The following STARD9 variants were observed in gnomAD, a reference collection of about 807,000 sequenced individuals.
The protein encoded by STARD9 is StAR related lipid transfer domain containing 9.
STARD9 carries 346 observed loss-of-function variants against 399.8 expected under a neutral mutation model. The observed-to-expected ratio is 0.87, with a 90% CI of 0.79 to 0.95. The LOEUF is 0.95. Ranked by LOEUF, STARD9 falls within the 40% of genes least tolerant of loss-of-function variation. The pLI, the probability that STARD9 is intolerant of heterozygous loss-of-function variation, is 0.00. For synonymous variants in STARD9, 2,203 were observed against 2,143.5 expected, an observed-to-expected ratio of 1.03 and a Z score of -0.77; for missense variants, 5,832 against 5,667.5, an observed-to-expected ratio of 1.03 and a Z score of -0.93.
intron 3 of STARD9, among the ~76,000 whole-genome samples, chr15:42,606,517 G>A (rs2058726211): frequency 6.6e-6 from 1 of 152,020 alleles, no homozygotes; most frequent in South Asian, 2.1e-4. Flanking sequence ...GTGCAGTGGT[G>A]TGATCTCAGG....
intron 9 of STARD9, among the ~76,000 whole-genome samples, chr15:42,656,328 A>T (rs12899661): frequency 1.5e-4 from 7 of 45,420 alleles, no homozygotes; most frequent in South Asian, 8.2e-4. Context: ...GCCATCTCCT[A>T]AAAAAAAAAA....
At chr15:42,617,451 C>G (rs565176981) in intron 3 of STARD9, among the ~76,000 whole-genome samples, 5 of 151,974 alleles carry the variant, frequency 3.3e-5, no homozygotes, top group Non-Finnish European at 7.4e-5. Context: ...CAACCTACTC[C>G]TCCCAGGTTC....
At chr15:42,664,642 C>T (rs937704519) in intron 13 of STARD9, among the ~76,000 whole-genome samples, 1 of 152,198 alleles carries the variant, frequency 6.6e-6, no homozygotes, top group African/African-American at 2.4e-5. Flanking sequence ...GCTGGGGTTA[C>T]AGGTGTGGGC....
chr15:42,675,448 A>C (rs1350681834), intron 18 of STARD9: 1 of 551,312 alleles, frequency 1.8e-6, no homozygotes, highest in Non-Finnish European at 3.2e-6. Context: ...CCTGGAACTC[A>C]ACTTCCTTTC....
chr15:42,635,492 G>C (rs1354773902), intron 4 of STARD9, among the ~76,000 whole-genome samples: 1 of 151,850 alleles, frequency 6.6e-6, no homozygotes, highest in African/African-American at 2.4e-5. Context: ...ACCACGCTTG[G>C]CTAAGTTTTT....
intron 3 of STARD9, among the ~76,000 whole-genome samples, chr15:42,628,104 C>T (rs1169392315): frequency 2.0e-5 from 3 of 152,106 alleles, no homozygotes; most frequent in African/African-American, 7.2e-5. Context: ...TCATTATTGC[C>T]TGTCTTTTGG....
chr15:42,584,542 A>C (rs1260496751), intron 2 of STARD9, among the ~76,000 whole-genome samples: 1 of 152,226 alleles, frequency 6.6e-6, no homozygotes, highest in Non-Finnish European at 1.5e-5. Context: ...TCATTCTGGC[A>C]GCCTAATTCT....
rs1695584461 is a variant in STARD9, at chr15:42,669,183, C to T, written c.1343C>T (p.Thr448Ile). The T allele has an allele frequency of 1.3e-6, 2 of 1,535,548 alleles. No individual in the cohort carries two copies. Among genetic ancestry groups the T allele is most frequent in the South Asian group, 2.4e-5 (2 of 83,998 alleles). ...ATAGACCAGCTGACTAAAGACTGGA[C>T]CCAGAAGTGGAATGATTGGCAGGCC... ...LKIDQLTKDW[T>I]QKWNDWQALM... Residue 448 changes from threonine (T) to isoleucine (I), a missense_variant, in exon 16 of 33, where the codon ACC becomes ATC. By Grantham distance (89) the Thr-to-Ile change is moderately conservative. Transcript: ENST00000290607.
At chr15:42,659,520 T>A (rs1286690203) in intron 9 of STARD9, among the ~76,000 whole-genome samples, 1 of 151,978 alleles carries the variant, frequency 6.6e-6, no homozygotes, top group African/African-American at 2.4e-5. Context: ...GGGTTTTCTT[T>A]GTTTGTTTTT....
chr15:42,668,651 TC>T (rs1380916953), intron 15 of STARD9, among the ~76,000 whole-genome samples: 12 of 152,194 alleles, frequency 7.9e-5, no homozygotes, highest in Admixed American at 7.9e-4. Context: ...TAGTCTTAGT[TC>T]CACCTGGGGA....
chr15:42,690,698 C>T lies in STARD9; in HGVS notation c.9120C>T (p.Ser3040=), dbSNP rs1426837849. 3 of 1,537,246 alleles carry T rather than the reference C, an allele frequency of 2.0e-6. No individual in the cohort carries two copies. The highest frequency in any genetic ancestry group is 1.4e-5 in the African/African-American group (1 of 73,172). ...GGGAATTTAGGCTAACAGAGAGCAG[C>T]ACTTGTGAGCCTTCTACTGTGGCTG... ...VNREFRLTES[S]TCEPSTVAAV... The change falls in exon 23 of 33, where the codon AGC becomes AGT. Residue 3040 remains serine, a synonymous_variant. Transcript: ENST00000290607.
At chr15:42,613,460 T>C (rs1269255995) in intron 3 of STARD9, among the ~76,000 whole-genome samples, 2 of 152,132 alleles carry the variant, frequency 1.3e-5, no homozygotes. Flanking sequence ...AAAAGTATGG[T>C]TTATTTCCCA....
chr15:42,717,827 C>A, intron 29 of STARD9, 32 bp downstream of exon 29: 2 of 1,533,462 alleles, frequency 1.3e-6, no homozygotes. Flanking sequence ...TGTACAGTGT[C>A]TGTCTTGGTA....
intron 3 of STARD9, among the ~76,000 whole-genome samples, chr15:42,617,592 G>C (rs890403610): frequency 2.6e-5 from 4 of 152,128 alleles, no homozygotes; most frequent in East Asian, 1.9e-4. Context: ...TCAATGGGGG[G>C]AATGTGAGTA....
At position 42,716,115 on chromosome 15, in the gene STARD9, A is replaced by G. The variant is rs915212829; in HGVS notation, c.13285-562A>G. 4.6e-5 allele frequency among the ~76,000 whole-genome samples: 7 copies of G among 152,164 alleles called. No individual in the cohort carries two copies. The South Asian group carries it at 8.3e-4, about 18-fold the overall frequency. Reference sequence around the variant, plus strand: ...AGTTCCAGCAGAGGTCAAGGGTCCTATTGTTGAGGAGCTTGCTGCGGTGGA... The same window carrying G: ...AGTTCCAGCAGAGGTCAAGGGTCCTGTTGTTGAGGAGCTTGCTGCGGTGGA... On this transcript the variant is annotated intron_variant, in intron 26 of 32. Coordinates refer to ENST00000290607, the MANE Select transcript of STARD9 (RefSeq NM_020759.3).
intron 3 of STARD9, among the ~76,000 whole-genome samples, chr15:42,625,494 C>G (rs2059184862): frequency 6.7e-6 from 1 of 150,308 alleles, no homozygotes; most frequent in Non-Finnish European, 1.5e-5. Flanking sequence ...CCACTCCCGG[C>G]TAATTTTTAT....
In STARD9 at chr15:42,682,347, T is replaced by C; in HGVS notation, c.2309T>C (p.Phe770Ser). The C allele has an allele frequency of 6.5e-7, 1 of 1,537,182 alleles. No individual in the cohort carries two copies. Among genetic ancestry groups the C allele is most frequent in the African/African-American group, 1.4e-5 (1 of 73,140 alleles). The change falls in exon 22 of 33, where the codon TTC becomes TCC. Residue 770 changes from phenylalanine to serine, a missense_variant. By Grantham distance (155) the Phe-to-Ser change is radical. Around this residue, in one of 2 missense-constraint regions of STARD9, gnomAD observed 5,828 missense variants for 5,651.1 expected, o/e 1.03. Transcript: ENST00000290607. ...ERNVRRKKVSFQLERIIKKQR... is the reference protein window; with the variant it reads ...ERNVRRKKVSSQLERIIKKQR... Reference sequence around the variant, plus strand: ...AATGTCCGGCGGAAAAAGGTCTCATTCCAGCTAGAGAGAATCATCAAAAAG... The same window carrying C: ...AATGTCCGGCGGAAAAAGGTCTCATCCCAGCTAGAGAGAATCATCAAAAAG...
At chr15:42,675,566 G>A (rs372107696) in intron 18 of STARD9, 98 bp from the exon 19 acceptor site, 23 of 884,536 alleles carry the variant, frequency 2.6e-5, no homozygotes, top group Non-Finnish European at 3.7e-5. Context: ...ATCAGTTATC[G>A]AGGGCATGAC....
rs2060777235 is a variant in STARD9, at chr15:42,693,894, C to T, written c.12316C>T (p.Leu4106Phe). The T allele has an allele frequency of 6.5e-7, 1 of 1,528,990 alleles. No homozygotes were observed. The highest frequency in any genetic ancestry group is 1.2e-5 in the South Asian group (1 of 83,048). The allele number at this position is 1,528,990 out of a possible 1,614,324, so 94.7% of individuals were successfully genotyped here. ...TAGLRGSALG[L>F]PQACQPEELL... ...AGGGCTCCGAGGTTCTGCCTTGGGC[C>T]TCCCTCAGGCCTGCCAACCTGAGGA... The change falls in exon 23 of 33, where the codon CTC becomes TTC. Residue 4106 changes from leucine (L) to phenylalanine (F), a missense_variant. By Grantham distance (22) the Leu-to-Phe change is conservative. Transcript: ENST00000290607.
Sources: gnomAD v4.1 joint callset for allele counts (sites outside exome capture counted in the v4.1 genomes callset) on GRCh38, gnomAD v4.1.1 for gene constraint, gnomAD v4.1.1 regional missense constraint, MANE v1.5 for transcripts, NCBI Gene and HGNC (gene_info 2026-07-23, HGNC 2026-07-21) for gene names.